VWA3B: variants seen among roughly 807,000 people sequenced by gnomAD.
VWA3B encodes von Willebrand factor A domain containing 3B.
In VWA3B, 138 loss-of-function variants were observed where a neutral mutation model predicts 158.3. That is an observed-to-expected ratio of 0.87 (90% CI 0.76 to 1.00). The LOEUF (loss-of-function observed/expected upper bound fraction) is 1.00. Among genes scored for constraint, VWA3B ranks in the 50% least tolerant of loss-of-function variants. The probability of loss-of-function intolerance (pLI) is 0.00; values close to 1 mark genes in which losing one functional copy is unlikely to be tolerated. For synonymous variants in VWA3B, 596 were observed against 587.3 expected (o/e 1.01, Z -0.21); for missense variants, 1,555 against 1,565.1 (o/e 0.99, Z 0.11).
chr2:98,184,224 A>G (rs1384556685), intron 9 of VWA3B, among the ~76,000 whole-genome samples: 2 of 152,194 alleles, frequency 1.3e-5, no homozygotes, highest in Non-Finnish European at 2.9e-5. Context: ...TGCATGAGGC[A>G]CACTCGGGAA....
the VWA3B span, among the ~76,000 whole-genome samples, chr2:98,323,434 C>A: frequency 6.6e-6 from 1 of 151,210 alleles, no homozygotes; most frequent in African/African-American, 2.4e-5. Context: ...CCTCAGAGAC[C>A]CATGGAATAA....
intron 16 of VWA3B, among the ~76,000 whole-genome samples, chr2:98,232,118 T>C (rs1685378575): frequency 6.6e-6 from 1 of 152,234 alleles, no homozygotes; most frequent in Non-Finnish European, 1.5e-5. Flanking sequence ...CATTTCGGCC[T>C]AGGGATTTCT....
intron 15 of VWA3B, 132 bp from the exon 16 acceptor site, chr2:98,229,918 C>T: frequency 1.0e-6 from 1 of 997,850 alleles, no homozygotes; most frequent in African/African-American, 1.7e-5. Flanking sequence ...TATATTAACC[C>T]AGATGGGGGA....
chr2:98,291,451 G>A (rs1412150774), intron 23 of VWA3B: 2 of 152,236 alleles, frequency 1.3e-5, no homozygotes, highest in Non-Finnish European at 2.9e-5. Flanking sequence ...AATTGATTCT[G>A]GCTGGAACAT....
intron 12 of VWA3B, among the ~76,000 whole-genome samples, chr2:98,205,327 A>C (rs1439741937): frequency 6.6e-6 from 1 of 152,206 alleles, no homozygotes; most frequent in African/African-American, 2.4e-5. Flanking sequence ...AAAGTTTTTC[A>C]TAATATTCTC....
rs990914545 is a variant in VWA3B, at chr2:98,270,881, G to A, written c.3043G>A (p.Glu1015Lys). Residue 1015 changes from glutamate (E) to lysine (K), a missense_variant and splice_region_variant, in exon 22 of 28, where the codon GAG (glutamate) becomes AAG (lysine). Transcript: ENST00000477737. ...GAATTATGCAAACAAGGCCCCGGGA[G>A]AGGTGGGTGCCCTGGAGGTCTCTGT... is the stretch of plus-strand genomic sequence containing the variant. ...KKNYANKAPGEQQKLQGNPTK... is the reference protein window; with the variant it reads ...KKNYANKAPGKQQKLQGNPTK... 5.0e-6 allele frequency: 8 copies of A among 1,613,680 alleles called. No individual in the cohort carries two copies. Among genetic ancestry groups the A allele is most frequent in the Non-Finnish European group, 6.8e-6 (8 of 1,179,848 alleles).
intron 5 of VWA3B, among the ~76,000 whole-genome samples, chr2:98,123,444 G>C (rs1675121612): frequency 6.6e-6 from 1 of 152,184 alleles, no homozygotes; most frequent in Non-Finnish European, 1.5e-5. Context: ...GCCCAGAGAG[G>C]CTCCTGGCCC....
chr2:98,279,451 TA>T (rs1688739764), intron 22 of VWA3B, among the ~76,000 whole-genome samples: 1 of 152,144 alleles, frequency 6.6e-6, no homozygotes, highest in African/African-American at 2.4e-5. Context: ...CCAAGCACCC[TA>T]AACAGATCTG....
chr2:98,134,568 A>T (rs769284396), intron 7 of VWA3B, among the ~76,000 whole-genome samples: 1 of 152,136 alleles, frequency 6.6e-6, no homozygotes, highest in Non-Finnish European at 1.5e-5. Flanking sequence ...ATGAAATTGC[A>T]AAGTGCTGAA....
chr2:98,238,687 A>G (rs1306007419), intron 19 of VWA3B, among the ~76,000 whole-genome samples: 1 of 152,232 alleles, frequency 6.6e-6, no homozygotes, highest in Non-Finnish European at 1.5e-5. Flanking sequence ...GCTTAAAAAC[A>G]TGTAAATAAA....
chr2:98,268,868 T>C (rs1027746473), intron 21 of VWA3B, among the ~76,000 whole-genome samples: 1 of 152,148 alleles, frequency 6.6e-6, no homozygotes, highest in South Asian at 2.1e-4. Flanking sequence ...TTTAAAGTAA[T>C]CCTGTAACAT....
chr2:98,204,580 T>C (rs1020644678), intron 12 of VWA3B, among the ~76,000 whole-genome samples: 2 of 152,240 alleles, frequency 1.3e-5, no homozygotes, highest in Non-Finnish European at 2.9e-5. Context: ...CATGATGTAT[T>C]ATTCATTTTA....
intron 6 of VWA3B, among the ~76,000 whole-genome samples, chr2:98,130,777 T>C (rs1036470607): frequency 4.6e-5 from 7 of 152,232 alleles, no homozygotes; most frequent in East Asian, 3.8e-4. Flanking sequence ...GAGTCTCTTA[T>C]GTCTACTTCT....
intron 9 of VWA3B, among the ~76,000 whole-genome samples, chr2:98,187,429 AGTG>A (rs1681170758): frequency 6.6e-6 from 1 of 151,676 alleles, no homozygotes; most frequent in Non-Finnish European, 1.5e-5. Context: ...CGTCTGTCTC[AGTG>A]GAGGGCGCTA....
chr2:98,148,217 G>C (rs999300836), intron 7 of VWA3B, among the ~76,000 whole-genome samples: 2 of 152,124 alleles, frequency 1.3e-5, no homozygotes, highest in Non-Finnish European at 2.9e-5. Flanking sequence ...AATACTTTAA[G>C]ACAATATAAT....
At chr2:98,166,667 C>T (rs924964935) in intron 8 of VWA3B, among the ~76,000 whole-genome samples, 5 of 152,030 alleles carry the variant, frequency 3.3e-5, no homozygotes, top group African/African-American at 7.3e-5. Flanking sequence ...TAATACAAGG[C>T]GTATTTAAGT....
At chr2:98,129,717 G>T (rs1313311635) in intron 6 of VWA3B, among the ~76,000 whole-genome samples, 1 of 152,204 alleles carries the variant, frequency 6.6e-6, no homozygotes, top group Non-Finnish European at 1.5e-5. Context: ...GTATGTGTGT[G>T]TGTAAGTTTA....
intron 7 of VWA3B, among the ~76,000 whole-genome samples, chr2:98,158,239 T>C (rs529120134): frequency 1.3e-5 from 2 of 148,700 alleles, no homozygotes; most frequent in African/African-American, 4.9e-5. Context: ...CTGAGTGCTG[T>C]GGAGGATACA....
At chr2:98,189,642 T>C (rs1278864664) in intron 10 of VWA3B, among the ~76,000 whole-genome samples, 1 of 152,194 alleles carries the variant, frequency 6.6e-6, no homozygotes, top group Non-Finnish European at 1.5e-5. Context: ...TTTTCTCTAG[T>C]TGTTCTATAA....
Sources: allele counts gnomAD v4.1 joint callset (sites outside exome capture counted in the v4.1 genomes callset), GRCh38; gene constraint gnomAD v4.1.1; transcripts MANE v1.5; gene names NCBI Gene and HGNC (gene_info 2026-07-23, HGNC 2026-07-21).